The following ZNF571 variants were observed in gnomAD, a reference collection of about 807,000 sequenced individuals.
The protein encoded by ZNF571 is zinc finger protein 571.
A neutral mutation model predicts 7.7 loss-of-function variants in ZNF571; 4 were observed. That is an observed-to-expected ratio of 0.52 (90% CI 0.25 to 1.18). ZNF571 has a LOEUF of 1.18. Among genes scored for constraint, ZNF571 ranks in the 50% most tolerant of loss-of-function variants. The pLI is 0.14. For missense variants in ZNF571, 704 were observed against 726.9 expected, an observed-to-expected ratio of 0.97 and a Z score of 0.36; for synonymous variants, 251 against 232.4, an observed-to-expected ratio of 1.08 and a Z score of -0.73.
Position 37,565,387 on chromosome 19 carries a change from G to A in ZNF571, c.1041C>T (p.Ala347=). 1 of 1,613,062 alleles carries A rather than the reference G, an allele frequency of 6.2e-7. No individual in the cohort carries two copies. Among genetic ancestry groups the A allele is most frequent in the South Asian group, 1.1e-5 (1 of 91,010 alleles). Residue 347 remains alanine (A), a synonymous_variant, in exon 4 of 4, where the codon GCC becomes GCT. Coordinates refer to ENST00000451802, the MANE Select transcript of ZNF571 (RefSeq NM_016536.5). ...TTCTCTGATGTTCATTCAGTTGGGA[G>A]GCACATAAAAAGGCTTTCCCACATT... ...CKECGKAFLC[A]SQLNEHQRIH...
intron 3 of ZNF571, among the ~76,000 whole-genome samples, chr19:37,581,317 T>C (rs1365253191): frequency 6.6e-6 from 1 of 152,158 alleles, no homozygotes; most frequent in Non-Finnish European, 1.5e-5. Context: ...TAATACATAA[T>C]GTCAAAGGAT....
At chr19:37,567,196 T>C (rs942735680) in intron 3 of ZNF571, among the ~76,000 whole-genome samples, 9 of 152,252 alleles carry the variant, frequency 5.9e-5, no homozygotes, top group African/African-American at 2.2e-4. Context: ...ATTTCTAAAG[T>C]TTGACTATTG....
intron 3 of ZNF571, 128 bp downstream of exon 3, chr19:37,583,840 CGGT>C (rs1401181646): frequency 3.5e-6 from 3 of 867,504 alleles, no homozygotes; most frequent in African/African-American, 1.7e-5. Context: ...AAAAGGTACA[CGGT>C]GGAGCTGTCC....
rs2043149128 is a variant in ZNF571, at chr19:37,573,814, CA to C, written c.137-7524del. Among the ~76,000 whole-genome samples the C allele has an allele frequency of 2.1e-5, 3 of 146,156 alleles. No homozygotes were observed. In the Admixed American group the frequency reaches 2.1e-4, roughly 10 times the overall value. ...TGCCACTGCACTCCAGTCTGCGCAACAGAACGAGATCCTGTTTCAAAAAAAA... is the reference window on the plus strand; with the variant it reads ...TGCCACTGCACTCCAGTCTGCGCAACGAACGAGATCCTGTTTCAAAAAAAA... On this transcript the variant is annotated intron_variant, in intron 3 of 3. Coordinates refer to ENST00000451802, the MANE Select transcript of ZNF571 (RefSeq NM_016536.5).
chr19:37,569,625 C>A lies in ZNF571; in HGVS notation c.137-3334G>T, dbSNP rs2042988002. 6.6e-6 allele frequency among the ~76,000 whole-genome samples: 1 copy of A among 152,238 alleles called. No individual in the cohort carries two copies. The highest frequency in any genetic ancestry group is 1.9e-4 in the East Asian group (1 of 5,170). Reference sequence around the variant, plus strand: ...TGCTTATAACCTACTAGGTTGTATTCATAACCTCTAGCAGGTTCTGCCCGG... The same window carrying A: ...TGCTTATAACCTACTAGGTTGTATTAATAACCTCTAGCAGGTTCTGCCCGG... On this transcript the variant is annotated intron_variant, in intron 3 of 3. Coordinates refer to ENST00000451802, the MANE Select transcript of ZNF571 (RefSeq NM_016536.5). The surrounding 1 kb of genome is among the most constrained non-coding windows in gnomAD (Gnocchi z 4.4).
chr19:37,582,036 T>G (rs1481210049), intron 3 of ZNF571, among the ~76,000 whole-genome samples: 1 of 152,172 alleles, frequency 6.6e-6, no homozygotes, highest in East Asian at 1.9e-4. Context: ...CTAATCACAC[T>G]TCTTTCCCCT....
intron 1 of ZNF571, among the ~76,000 whole-genome samples, chr19:37,590,767 T>G (rs1406697418): frequency 1.3e-5 from 2 of 152,134 alleles, no homozygotes; most frequent in African/African-American, 4.8e-5. Flanking sequence ...AAATAAAAAT[T>G]TTAAAAAACC....
At chr19:37,584,266 T>C in intron 2 of ZNF571, 169 bp from the exon 3 acceptor site, 1 of 780,138 alleles carries the variant, frequency 1.3e-6, no homozygotes, top group Non-Finnish European at 2.0e-6. Context: ...TTGCCACAGA[T>C]AAAACTTCCT....
rs1600454653 is a variant in ZNF571 at position 37,565,265 on chromosome 19, T to C, written c.1163A>G (p.Glu388Gly). Residue 388 changes from glutamate (E) to glycine (G), a missense_variant, in exon 4 of 4, where the codon GAG (glutamate) becomes GGG (glycine). Glu to Gly is a moderately conservative substitution (Grantham distance 98). Transcript: ENST00000451802. Reference sequence around the variant, plus strand: ...ACATTCTTTGCATTTATAAGGTCTCTCACCTGAATGAACTCTCAGGTGGTA... The same window carrying C: ...ACATTCTTTGCATTTATAAGGTCTCCCACCTGAATGAACTCTCAGGTGGTA... Reference protein sequence around the residue: ...LTYHLRVHSGERPYKCKECGK... With the variant: ...LTYHLRVHSGGRPYKCKECGK... 3 of 1,611,546 alleles carry C rather than the reference T, an allele frequency of 1.9e-6. No homozygotes were observed. In the East Asian group the frequency reaches 6.7e-5, roughly 36 times the overall value.
intron 3 of ZNF571, among the ~76,000 whole-genome samples, chr19:37,568,707 A>T (rs2042952824): frequency 6.6e-6 from 1 of 152,196 alleles, no homozygotes; most frequent in African/African-American, 2.4e-5. Flanking sequence ...TACATATAAA[A>T]ATGTATTCAA....
intron 2 of ZNF571, 133 bp downstream of exon 2, chr19:37,586,535 C>T (rs2043679665): frequency 3.1e-6 from 3 of 969,430 alleles, no homozygotes; most frequent in African/African-American, 1.6e-5. Flanking sequence ...TACTATTACT[C>T]GCTAGAATGG....
chr19:37,568,783 A>ATTC (rs2042958132), intron 3 of ZNF571, among the ~76,000 whole-genome samples: 1 of 152,108 alleles, frequency 6.6e-6, no homozygotes, highest in African/African-American at 2.4e-5. Context: ...AAAAGGGAAA[A>ATTC]CTGCAAAAGG....
Position 37,565,645 on chromosome 19 carries a change from A to G in ZNF571, c.783T>C (p.Ser261=). The G allele has an allele frequency of 6.2e-7, 1 of 1,613,328 alleles. No individual in the cohort carries two copies. The highest frequency in any genetic ancestry group is 8.5e-7 in the Non-Finnish European group (1 of 1,179,722). ...GATGAAGAGTATATTGTGAACAATA[A>G]CTAAAGGCTTTTCCACATTTCTTAC... The part of the protein sequence containing the change: ...YECKKCGKAF[S]YCSQYTLHQR... Residue 261 remains serine, a synonymous_variant, in exon 4 of 4, where the codon AGT becomes AGC. Coordinates refer to ENST00000451802, the MANE Select transcript of ZNF571 (RefSeq NM_016536.5).
intron 3 of ZNF571, among the ~76,000 whole-genome samples, chr19:37,572,181 T>G (rs1413836328): frequency 6.6e-6 from 1 of 151,384 alleles, no homozygotes; most frequent in Non-Finnish European, 1.5e-5. Context: ...CTAGGACCCA[T>G]ACACTGTAAA....
rs938800188 is a variant in ZNF571, at chr19:37,566,480, A to G, written c.137-189T>C. 1.3e-5 allele frequency: 8 copies of G among 622,474 alleles called. No individual in the cohort carries two copies. In the Admixed American group the frequency reaches 2.5e-4, roughly 20 times the overall value. 38.6% of individuals were successfully genotyped at this position (622,474 alleles called of 1,614,324 possible). ...AAAGAAAAAGGAGAGCTTATAGGAA[A>G]GAAGGTAATTAGAAAAATAGGTTAA... is the stretch of plus-strand genomic sequence containing the variant. On this transcript the variant is annotated intron_variant, in intron 3 of 3. Coordinates refer to ENST00000451802, the MANE Select transcript of ZNF571 (RefSeq NM_016536.5).
At chr19:37,580,655 G>T (rs1419044961) in intron 3 of ZNF571, among the ~76,000 whole-genome samples, 1 of 152,114 alleles carries the variant, frequency 6.6e-6, no homozygotes, top group Non-Finnish European at 1.5e-5. Context: ...TCCCTCAAGG[G>T]TGACTGAGCT....
intron 3 of ZNF571, among the ~76,000 whole-genome samples, chr19:37,566,907 G>T (rs2042880120): frequency 1.3e-5 from 2 of 152,126 alleles, no homozygotes; most frequent in Admixed American, 6.5e-5. Flanking sequence ...ACACAAGCTT[G>T]CCTGTGGCCA....
intron 1 of ZNF571, among the ~76,000 whole-genome samples, chr19:37,592,887 TAA>T (rs1452436588): frequency 6.6e-6 from 1 of 152,188 alleles, no homozygotes. Context: ...CAGCACCAAT[TAA>T]ACCAAAACAA....
intron 1 of ZNF571, among the ~76,000 whole-genome samples, chr19:37,593,047 G>T (rs887370928): frequency 3.3e-5 from 5 of 151,704 alleles, no homozygotes; most frequent in Non-Finnish European, 7.4e-5. Context: ...GAATATGGGG[G>T]TATACAAGAT....
Sources: allele counts gnomAD v4.1 joint callset (sites outside exome capture counted in the v4.1 genomes callset), GRCh38; gene constraint gnomAD v4.1.1; non-coding constraint Gnocchi (gnomAD v3.1); transcripts MANE v1.5; gene names NCBI Gene and HGNC (gene_info 2026-07-23, HGNC 2026-07-21).